Variants in VWA8 observed in about 807,000 individuals in gnomAD.
The protein encoded by VWA8 is von Willebrand factor A domain-containing protein 8.
A neutral mutation model predicts 241.5 loss-of-function variants in VWA8; 221 were observed. That is an observed-to-expected ratio of 0.91 (90% confidence interval 0.82 to 1.02). The LOEUF (loss-of-function observed/expected upper bound fraction) is 1.02. Ranked by LOEUF, VWA8 falls within the 50% of genes least tolerant of loss-of-function variation. The pLI is 0.00. For missense variants in VWA8, 2,322 were observed against 2,328.7 expected, an observed-to-expected ratio of 1.00 and a Z score of 0.06; for synonymous variants, 852 against 827.1, an observed-to-expected ratio of 1.03 and a Z score of -0.52.
chr13:41,836,876 T>A (rs1181667584), intron 12 of VWA8, among the ~76,000 whole-genome samples: 1 of 152,196 alleles, frequency 6.6e-6, no homozygotes, highest in South Asian at 2.1e-4. Context: ...AGACCAGAAA[T>A]GTTCTTCCTC....
At position 41,860,701 on chromosome 13, in the gene VWA8, A is replaced by T. The variant is rs116633991; in HGVS notation, c.1425+5035T>A. On this transcript the variant is annotated intron_variant, in intron 12 of 44. Coordinates refer to ENST00000379310, the MANE Select transcript of VWA8 (RefSeq NM_015058.2). ...ACTCTTAAACTAATTCTTTTACATA[A>T]CAAGATAGCATACTCAAAGGCAGGA... Among the ~76,000 whole-genome samples, 263 of 152,302 alleles carry T rather than the reference A, an allele frequency of 1.7e-3. 2 individuals are homozygous for T. Among genetic ancestry groups the T allele is most frequent in the African/African-American group, 5.8e-3 (242 of 41,570 alleles).
At chr13:41,915,872 T>C (rs9315872) in intron 2 of VWA8, among the ~76,000 whole-genome samples, 123,448 of 152,098 alleles carry the variant, frequency 0.81, 50,974 homozygotes, top group East Asian at 1. Flanking sequence ...TTATTCTCCC[T>C]CAATAACAAT....
At chr13:41,758,881 T>C (rs2045719139) in intron 21 of VWA8, among the ~76,000 whole-genome samples, 1 of 151,514 alleles carries the variant, frequency 6.6e-6, no homozygotes, top group Admixed American at 6.6e-5. Context: ...GGAATGGATA[T>C]TGAATTTTCT....
At chr13:41,844,313 C>T (rs1566479031) in intron 12 of VWA8, among the ~76,000 whole-genome samples, 1 of 152,030 alleles carries the variant, frequency 6.6e-6, no homozygotes, top group Non-Finnish European at 1.5e-5. Flanking sequence ...CCCTCAACAA[C>T]CTAGGCACTG....
chr13:41,899,185 A>G (rs1362147070), intron 4 of VWA8, among the ~76,000 whole-genome samples: 5 of 152,246 alleles, frequency 3.3e-5, no homozygotes, highest in Admixed American at 3.3e-4. Flanking sequence ...ATTGTCAACT[A>G]AAAAGGAAAA....
At chr13:41,733,563 G>A (rs2045502359) in intron 21 of VWA8, among the ~76,000 whole-genome samples, 1 of 152,154 alleles carries the variant, frequency 6.6e-6, no homozygotes, top group Admixed American at 6.6e-5. Flanking sequence ...GTGACTGAAA[G>A]TTCCTTGCCT....
intron 1 of VWA8, among the ~76,000 whole-genome samples, chr13:41,959,258 A>G (rs1429512159): frequency 6.6e-6 from 1 of 152,180 alleles, no homozygotes; most frequent in Non-Finnish European, 1.5e-5. Flanking sequence ...TACAGTTAAG[A>G]AAACTAGGAC....
chr13:41,952,339 G>A (rs1878172984), intron 1 of VWA8, among the ~76,000 whole-genome samples: 1 of 152,184 alleles, frequency 6.6e-6, no homozygotes, highest in African/African-American at 2.4e-5. Flanking sequence ...CCAGGTATTG[G>A]TTGACTGGTC....
At chr13:41,572,111 G>A (rs2044310538) in intron 43 of VWA8, among the ~76,000 whole-genome samples, 1 of 150,630 alleles carries the variant, frequency 6.6e-6, no homozygotes, top group African/African-American at 2.5e-5. Context: ...CCTCCGCCCG[G>A]CAGCTGCCCG....
Position 41,835,759 on chromosome 13 carries a change from T to G in VWA8, c.1426-2228A>C, listed in dbSNP as rs184746930. ...ATATATGTGTCTGTATATATATGTA[T>G]GTATACAAATACATACAAACACACA... is the stretch of plus-strand genomic sequence containing the variant. On this transcript the variant is annotated intron_variant, in intron 12 of 44. Coordinates refer to ENST00000379310, the MANE Select transcript of VWA8 (RefSeq NM_015058.2). Among the ~76,000 whole-genome samples, 237 of 152,312 alleles carry G rather than the reference T, an allele frequency of 1.6e-3. 1 individual carries two copies. The highest frequency in any genetic ancestry group is 5.3e-3 in the African/African-American group (222 of 41,556).
intron 14 of VWA8, among the ~76,000 whole-genome samples, chr13:41,820,537 A>C (rs1396491598): frequency 6.6e-6 from 1 of 152,214 alleles, no homozygotes; most frequent in Non-Finnish European, 1.5e-5. Flanking sequence ...GAAACTGGTC[A>C]CATGAAAGGC....
At chr13:41,917,459 A>T (rs1876312418) in intron 2 of VWA8, among the ~76,000 whole-genome samples, 1 of 152,318 alleles carries the variant, frequency 6.6e-6, no homozygotes, top group African/African-American at 2.4e-5. Flanking sequence ...TCTGAGATAC[A>T]TGTGCAGAAC....
At chr13:41,649,523 TTTAC>T (rs2044855428) in intron 37 of VWA8, among the ~76,000 whole-genome samples, 1 of 151,490 alleles carries the variant, frequency 6.6e-6, no homozygotes, top group Admixed American at 6.6e-5. Context: ...GTGAGGTAGT[TTTAC>T]TTCGTGTTTC....
rs949862874 is a variant in VWA8 at position 41,826,511 on chromosome 13, T to C, written c.1700+4018A>G. Among the ~76,000 whole-genome samples, 9 of 152,138 alleles carry C rather than the reference T, an allele frequency of 5.9e-5. No homozygotes were observed. The South Asian group carries it at 1.9e-3, about 32-fold the overall frequency. ...GAGAGATCTAAGATGATGTAGGAGC[T>C]ACAAGAATAAAGAGCCACAAGCCCA... On this transcript the variant is annotated intron_variant, in intron 14 of 44. Transcript: ENST00000379310.
chr13:41,725,419 C>CA (rs2045424904), intron 24 of VWA8, among the ~76,000 whole-genome samples: 1 of 152,094 alleles, frequency 6.6e-6, no homozygotes, highest in Middle Eastern at 3.2e-3. Flanking sequence ...ACAGAAGTGT[C>CA]AGTCGTAGAA....
At chr13:41,883,579 A>G in intron 8 of VWA8, 88 bp from the exon 9 acceptor site, 4 of 1,021,810 alleles carry the variant, frequency 3.9e-6, no homozygotes, top group Non-Finnish European at 4.4e-6. Flanking sequence ...ATTAAAATTG[A>G]CTTATAAAAG....
intron 37 of VWA8, among the ~76,000 whole-genome samples, chr13:41,637,803 GTTGTTA>G (rs1400661216): frequency 6.6e-6 from 1 of 152,138 alleles, no homozygotes; most frequent in African/African-American, 2.4e-5. Flanking sequence ...TGATGCAGCT[GTTGTTA>G]TTGTTGTGTT....
intron 39 of VWA8, among the ~76,000 whole-genome samples, chr13:41,608,170 T>C (rs1396823738): frequency 1.3e-5 from 2 of 152,192 alleles, no homozygotes; most frequent in Admixed American, 6.5e-5. Context: ...GGCCTACCAC[T>C]GGTGCGATCA....
Position 41,680,029 on chromosome 13 carries a change from C to T in VWA8, c.4328-4733G>A, listed in dbSNP as rs980836667. ...AACTCTTTTTCATTCCCCAATCCCCCACTCCCGATTTTCCCATCCCCCCAA... is the reference window on the plus strand; with the variant it reads ...AACTCTTTTTCATTCCCCAATCCCCTACTCCCGATTTTCCCATCCCCCCAA... On this transcript the variant is annotated intron_variant, in intron 35 of 44. Transcript: ENST00000379310. Among the ~76,000 whole-genome samples the T allele has an allele frequency of 8.5e-5, 13 of 152,130 alleles. No individual in the cohort carries two copies. The East Asian group carries it at 2.5e-3, about 29-fold the overall frequency.
Sources: allele counts gnomAD v4.1 joint callset (sites outside exome capture counted in the v4.1 genomes callset), GRCh38; gene constraint gnomAD v4.1.1; transcripts MANE v1.5; gene names NCBI Gene and HGNC (gene_info 2026-07-23, HGNC 2026-07-21).